Variants in ACSM3 observed in about 807,000 individuals in gnomAD.
The protein encoded by ACSM3 is acyl-CoA synthetase medium chain family member 3, also known as acyl-coenzyme A synthetase ACSM3, mitochondrial.
A neutral mutation model predicts 74.1 loss-of-function variants in ACSM3; 61 were observed. The observed-to-expected ratio is 0.82, with a 90% CI of 0.67 to 1.02. The LOEUF is 1.02. Ranked by LOEUF, ACSM3 falls within the 50% of genes least tolerant of loss-of-function variation. The probability of loss-of-function intolerance (pLI) is 0.00; values close to 1 mark genes in which losing one functional copy is unlikely to be tolerated. For missense variants in ACSM3, 660 were observed against 697.0 expected, an observed-to-expected ratio of 0.95 and a Z score of 0.60; for synonymous variants, 213 against 241.5, an observed-to-expected ratio of 0.88 and a Z score of 1.09.
At chr16:20,685,940 C>T (rs2079547571) in intron 1 of ACSM3, among the ~76,000 whole-genome samples, 1 of 150,986 alleles carries the variant, frequency 6.6e-6, no homozygotes, top group South Asian at 2.1e-4. Flanking sequence ...AGACCATAAA[C>T]AGCCTTTATG....
At chr16:20,779,401 G>A (rs570718357) in intron 4 of ACSM3, among the ~76,000 whole-genome samples, 10 of 148,868 alleles carry the variant, frequency 6.7e-5, no homozygotes, top group East Asian at 2.0e-4. Context: ...TCCAGCCTGG[G>A]TGAGAGAGAG....
At chr16:20,766,598 C>T (rs2152451530) in intron 1 of ACSM3, 1 of 152,268 alleles carries the variant, frequency 6.6e-6, no homozygotes, top group East Asian at 1.9e-4. Context: ...TGGTGGCACA[C>T]ACCTGTAATT....
chr16:20,675,283 C>T (rs540164196), intron 1 of ACSM3, among the ~76,000 whole-genome samples: 4 of 152,182 alleles, frequency 2.6e-5, no homozygotes, highest in East Asian at 1.9e-4. Context: ...GTGAAAGAGA[C>T]GGTCTCAGGA....
At chr16:20,752,476 C>G (rs191340802) in intron 2 of ACSM3, among the ~76,000 whole-genome samples, 1 of 152,304 alleles carries the variant, frequency 6.6e-6, no homozygotes, top group East Asian at 1.9e-4. Flanking sequence ...AGAAGACTCT[C>G]TCAAAAGCCT....
At chr16:20,757,565 A>G (rs1370195929) in intron 3 of ACSM3, among the ~76,000 whole-genome samples, 2 of 150,342 alleles carry the variant, frequency 1.3e-5, no homozygotes, top group Admixed American at 6.6e-5. Context: ...TAGATATACA[A>G]TCATGTCGTC....
At position 20,797,161 on chromosome 16, in the gene ACSM3, T is replaced by A. The variant is rs2080739208; in HGVS notation, c.*189T>A. ...AAATATTTGGCAAATTCCTCCACAT[T>A]AGTGTCAATGTTCCTATCATTTCTT... On this transcript the variant is annotated 3_prime_UTR_variant, in exon 14 of 14. Coordinates refer to ENST00000289416, the MANE Select transcript of ACSM3 (RefSeq NM_005622.4). 5 of 1,337,818 alleles carry A rather than the reference T, an allele frequency of 3.7e-6. No individual in the cohort carries two copies. The highest frequency in any genetic ancestry group is 4.8e-6 in the Non-Finnish European group (5 of 1,046,990). 82.9% of individuals were successfully genotyped at this position (1,337,818 alleles called of 1,614,324 possible).
intron 1 of ACSM3, chr16:20,737,983 A>C: frequency 1.3e-6 from 2 of 1,563,194 alleles, no homozygotes; most frequent in South Asian, 2.4e-5. Context: ...AGTTAAGAAG[A>C]TAATTTCTCA....
At chr16:20,690,304 C>A (rs1488220141) in intron 1 of ACSM3, among the ~76,000 whole-genome samples, 1 of 152,182 alleles carries the variant, frequency 6.6e-6, no homozygotes, top group Non-Finnish European at 1.5e-5. Flanking sequence ...GCTATAAATA[C>A]CATCCATTGT....
At chr16:20,721,497 G>A (rs983588555) in intron 1 of ACSM3, 10 of 152,122 alleles carry the variant, frequency 6.6e-5, no homozygotes, top group African/African-American at 2.2e-4. Context: ...ATTAAAGAGT[G>A]GAAGAGGATG....
intron 1 of ACSM3, chr16:20,741,586 T>A: frequency 6.4e-7 from 1 of 1,570,344 alleles, no homozygotes; most frequent in Non-Finnish European, 8.6e-7. Flanking sequence ...CGCTCGTTCA[T>A]ATTGCAGGTG....
At chr16:20,738,136 T>C in intron 1 of ACSM3, 1 of 713,120 alleles carries the variant, frequency 1.4e-6, no homozygotes, top group Non-Finnish European at 2.5e-6. Flanking sequence ...ATACGTACTA[T>C]AATGTATCTA....
intron 1 of ACSM3, chr16:20,741,931 C>T (rs1295867905): frequency 2.0e-6 from 3 of 1,533,578 alleles, no homozygotes; most frequent in Non-Finnish European, 2.6e-6. Context: ...GATACCCGCC[C>T]AAGCCCCGCC....
intron 9 of ACSM3, among the ~76,000 whole-genome samples, chr16:20,788,046 G>A (rs536494112): frequency 1.7e-4 from 26 of 152,158 alleles, no homozygotes; most frequent in African/African-American, 5.8e-4. Context: ...CATAATAAAG[G>A]TCCAAAAGAT....
rs536835370 is a variant in ACSM3 at position 20,738,074 on chromosome 16, T to C, written c.-189-11836T>C. On this transcript the variant is annotated intron_variant, in intron 1 of 3. Transcript: ENST00000561584. ...ACAGAAGAAATTCTCATAATGAATTTTAAATGAATCTACCTAGTCATTCTT... is the reference window on the plus strand; with the variant it reads ...ACAGAAGAAATTCTCATAATGAATTCTAAATGAATCTACCTAGTCATTCTT... 1.3e-5 allele frequency: 13 copies of C among 975,660 alleles called. 1 individual carries two copies. The highest frequency in any genetic ancestry group is 3.1e-4 in the Middle Eastern group (1 of 3,244). The allele number at this position is 975,660 out of a possible 1,614,324, so 60.4% of individuals were successfully genotyped here.
intron 3 of ACSM3, among the ~76,000 whole-genome samples, chr16:20,755,789 C>G (rs1239325675): frequency 1.8e-5 from 2 of 111,126 alleles, no homozygotes; most frequent in Non-Finnish European, 1.9e-5. Context: ...TCCCCCCCCC[C>G]CACCCCACAG....
intron 1 of ACSM3, among the ~76,000 whole-genome samples, chr16:20,715,672 T>C (rs879644683): frequency 2.6e-5 from 4 of 152,176 alleles, no homozygotes; most frequent in Non-Finnish European, 5.9e-5. Context: ...ATCTCATTCA[T>C]CATCAAGATG....
chr16:20,717,529 T>TGCC (rs1281377904), intron 1 of ACSM3, among the ~76,000 whole-genome samples: 1 of 152,210 alleles, frequency 6.6e-6, no homozygotes, highest in Admixed American at 6.5e-5. Context: ...TATCAAAAGG[T>TGCC]GCCAGCTGAA....
chr16:20,717,871 A>G (rs1834032556), intron 1 of ACSM3, among the ~76,000 whole-genome samples: 2 of 150,012 alleles, frequency 1.3e-5, no homozygotes, highest in African/African-American at 2.5e-5. Flanking sequence ...GAAGGAGAAG[A>G]AGGAGAAGGA....
chr16:20,754,820 G>A (rs2080016326), intron 2 of ACSM3, among the ~76,000 whole-genome samples: 1 of 152,134 alleles, frequency 6.6e-6, no homozygotes, highest in African/African-American at 2.4e-5. Flanking sequence ...CATAGAGCTG[G>A]GTTTTCCCAC....
Sources: gnomAD v4.1 joint callset for allele counts (sites outside exome capture counted in the v4.1 genomes callset) on GRCh38, gnomAD v4.1.1 for gene constraint, MANE v1.5 for transcripts, NCBI Gene and HGNC (gene_info 2026-07-23, HGNC 2026-07-21) for gene names.